The following GPM6A variants were observed in gnomAD, a reference collection of about 807,000 sequenced individuals.
GPM6A encodes the protein glycoprotein M6A.
A neutral mutation model predicts 32.1 loss-of-function variants in GPM6A; 7 were observed. That is an observed-to-expected ratio of 0.22 (90% CI 0.12 to 0.41). The LOEUF (loss-of-function observed/expected upper bound fraction) is 0.41. Ranked by LOEUF, GPM6A falls within the 10% of genes least tolerant of loss-of-function variation. GPM6A has a pLI of 1.00. For missense variants in GPM6A, 235 were observed against 347.2 expected (o/e 0.68, Z 2.57); for synonymous variants, 130 against 123.4 (o/e 1.05, Z -0.35).
At chr4:175,764,641 A>G (rs531048818) in intron 1 of GPM6A, among the ~76,000 whole-genome samples, 19 of 152,230 alleles carry the variant, frequency 1.2e-4, no homozygotes, top group African/African-American at 4.3e-4. Flanking sequence ...GTATATCCTC[A>G]ATGAACTATG....
At position 175,780,104 on chromosome 4, in the gene GPM6A, G is replaced by A. The variant is rs9992434; in HGVS notation, c.37+32087C>T. On this transcript the variant is annotated intron_variant, in intron 1 of 6. Coordinates refer to ENST00000393658, the MANE Select transcript of GPM6A (RefSeq NM_201591.3). ...GTTGCCCAGGCTGGAGTGAAGTGGC[G>A]TGGCGTGATCTCGGCTCACTGCAAC... Among the ~76,000 whole-genome samples the A allele has an allele frequency of 7.7e-3, 1,160 of 151,266 alleles. 15 individuals carry two copies. Among genetic ancestry groups the A allele is most frequent in the African/African-American group, 0.026 (1,078 of 41,152 alleles).
At chr4:175,956,098 C>A (rs1033339310) in intron 1 of GPM6A, among the ~76,000 whole-genome samples, 1 of 152,092 alleles carries the variant, frequency 6.6e-6, no homozygotes, top group Non-Finnish European at 1.5e-5. Flanking sequence ...GCACGTGCGT[C>A]GTACAAAACC....
chr4:175,909,048 G>GGGGA (rs1554000495), intron 1 of GPM6A, among the ~76,000 whole-genome samples: 1 of 89,654 alleles, frequency 1.1e-5, no homozygotes, highest in Non-Finnish European at 2.1e-5. Flanking sequence ...AGGGCGGGGG[G>GGGGA]GGGGCAACTA....
At chr4:175,801,216 C>G (rs1037883975) in intron 1 of GPM6A, among the ~76,000 whole-genome samples, 1 of 152,074 alleles carries the variant, frequency 6.6e-6, no homozygotes, top group African/African-American at 2.4e-5. Flanking sequence ...TTACTACACT[C>G]CACATAAGTA....
At chr4:175,686,577 G>A (rs1433386195) in intron 2 of GPM6A, among the ~76,000 whole-genome samples, 1 of 152,132 alleles carries the variant, frequency 6.6e-6, no homozygotes, top group Non-Finnish European at 1.5e-5. Flanking sequence ...GCCAAGGAAG[G>A]CCCGCAACCA....
intron 1 of GPM6A, among the ~76,000 whole-genome samples, chr4:175,958,006 C>T (rs568225662): frequency 7.2e-5 from 11 of 152,326 alleles, no homozygotes; most frequent in African/African-American, 2.2e-4. Flanking sequence ...AATTCTCCTG[C>T]CTCAGCCTCC....
chr4:175,992,390 T>G (rs1741178787), intron 1 of GPM6A, among the ~76,000 whole-genome samples: 1 of 152,202 alleles, frequency 6.6e-6, no homozygotes. Context: ...AGGTGTCTTC[T>G]CTGTCAGAAA....
chr4:175,702,422 C>A (rs1180890310), intron 1 of GPM6A, among the ~76,000 whole-genome samples: 2 of 152,136 alleles, frequency 1.3e-5, no homozygotes, highest in Non-Finnish European at 2.9e-5. Flanking sequence ...AGAACTTATT[C>A]TTTTTACGTA....
chr4:175,984,641 T>C (rs1740919934), intron 1 of GPM6A, among the ~76,000 whole-genome samples: 1 of 152,222 alleles, frequency 6.6e-6, no homozygotes, highest in Non-Finnish European at 1.5e-5. Flanking sequence ...TATTTTTTAT[T>C]ACTACTTTTC....
chr4:175,873,687 G>A (rs999122174), intron 1 of GPM6A, among the ~76,000 whole-genome samples: 1 of 152,082 alleles, frequency 6.6e-6, no homozygotes, highest in Non-Finnish European at 1.5e-5. Context: ...TTTTCAGGAT[G>A]CGTAATTTTA....
chr4:175,909,319 G>A (rs943419404), intron 1 of GPM6A, among the ~76,000 whole-genome samples: 3 of 152,016 alleles, frequency 2.0e-5, no homozygotes, highest in South Asian at 2.1e-4. Flanking sequence ...TCCAACTGGC[G>A]CATTTGGATA....
In GPM6A at chr4:175,987,600, C is replaced by T. The variant is rs116477260; in HGVS notation, c.-23+14709G>A. 9.0e-3 allele frequency among the ~76,000 whole-genome samples: 1,371 copies of T among 151,512 alleles called. 20 individuals carry two copies. Among genetic ancestry groups the T allele is most frequent in the African/African-American group, 0.031 (1,298 of 41,376 alleles). ...ACTTTCTCCTGGTGACTTTGTTAAG[C>T]TATTTGACTTATTTTCCCTCATTTA... On this transcript the variant is annotated intron_variant, in intron 1 of 7. Transcript: ENST00000280187.
intron 1 of GPM6A, among the ~76,000 whole-genome samples, chr4:175,748,384 C>T (rs1198240984): frequency 1.3e-5 from 2 of 152,176 alleles, no homozygotes; most frequent in Non-Finnish European, 2.9e-5. Flanking sequence ...TGAAATTACT[C>T]CTTGATCCAC....
At chr4:175,749,570 C>T (rs1732239908) in intron 1 of GPM6A, among the ~76,000 whole-genome samples, 1 of 152,104 alleles carries the variant, frequency 6.6e-6, no homozygotes, top group South Asian at 2.1e-4. Flanking sequence ...GTAATGTGTT[C>T]TTTGGTATCG....
chr4:175,752,874 T>G (rs902425669), intron 1 of GPM6A, among the ~76,000 whole-genome samples: 5 of 152,202 alleles, frequency 3.3e-5, no homozygotes, highest in African/African-American at 9.7e-5. Flanking sequence ...AGGCTCCATC[T>G]GCAGAGAGTG....
chr4:175,754,997 T>C (rs778347901), intron 1 of GPM6A, among the ~76,000 whole-genome samples: 3 of 152,022 alleles, frequency 2.0e-5, no homozygotes, highest in Non-Finnish European at 2.9e-5. Flanking sequence ...TTACACATTT[T>C]GTAGGCACTT....
chr4:175,864,912 T>C (rs1234693884), intron 1 of GPM6A, among the ~76,000 whole-genome samples: 1 of 151,974 alleles, frequency 6.6e-6, no homozygotes, highest in Non-Finnish European at 1.5e-5. Flanking sequence ...CTCAAGCAAT[T>C]CTCCTGCCTC....
At position 175,834,165 on chromosome 4, in the gene GPM6A, C is replaced by A. The variant is rs74692344; in HGVS notation, c.-22-21916G>T. Reference sequence around the variant, plus strand: ...TTTACTCAACTGTTTATTTGCCAGGCCTTTAATCTGAAAATGATGGCCTGG... The same window carrying A: ...TTTACTCAACTGTTTATTTGCCAGGACTTTAATCTGAAAATGATGGCCTGG... On this transcript the variant is annotated intron_variant, in intron 1 of 7. Transcript: ENST00000280187. 2.9e-3 allele frequency among the ~76,000 whole-genome samples: 443 copies of A among 152,128 alleles called. 19 individuals are homozygous for A. The East Asian group carries it at 0.073, about 25-fold the overall frequency.
chr4:175,949,922 C>T (rs1352397648), intron 1 of GPM6A, among the ~76,000 whole-genome samples: 2 of 152,100 alleles, frequency 1.3e-5, no homozygotes, highest in African/African-American at 4.8e-5. Context: ...TGAGTTCTCA[C>T]CACATATTTT....
Sources: allele counts gnomAD v4.1 joint callset (sites outside exome capture counted in the v4.1 genomes callset), GRCh38; gene constraint gnomAD v4.1.1; transcripts MANE v1.5; gene names NCBI Gene and HGNC (gene_info 2026-07-23, HGNC 2026-07-21).